Variants in RPS6KA5 observed in about 807,000 individuals in gnomAD.
RPS6KA5 encodes ribosomal protein S6 kinase alpha-5.
Under a neutral mutation model 85.5 loss-of-function variants are expected in RPS6KA5, and 27 were observed. That is an observed-to-expected ratio of 0.32 (90% confidence interval 0.23 to 0.44). The LOEUF is 0.44. RPS6KA5 is among the 20% of genes least tolerant of loss of function. The pLI is 1.00. For synonymous variants in RPS6KA5, 334 were observed against 348.2 expected, an observed-to-expected ratio of 0.96 and a Z score of 0.46; for missense variants, 811 against 980.9, an observed-to-expected ratio of 0.83 and a Z score of 2.31.
chr14:90,960,514 T>C (rs1179402255), intron 3 of RPS6KA5, among the ~76,000 whole-genome samples: 1 of 152,134 alleles, frequency 6.6e-6, no homozygotes, highest in East Asian at 1.9e-4. Flanking sequence ...CTTCTCAGCT[T>C]TATAGCCTAA....
At chr14:91,023,083 A>T (rs968524990) in intron 1 of RPS6KA5, among the ~76,000 whole-genome samples, 7 of 14,366 alleles carry the variant, frequency 4.9e-4, no homozygotes, top group African/African-American at 1.2e-3. Context: ...AACTCTATCT[A>T]AAAAAAAAAA....
chr14:91,050,056 C>T (rs2043012672), intron 1 of RPS6KA5, among the ~76,000 whole-genome samples: 1 of 152,152 alleles, frequency 6.6e-6, no homozygotes, highest in Non-Finnish European at 1.5e-5. Context: ...AGGAGAGCTG[C>T]ACTGTACTCA....
intron 2 of RPS6KA5, 43 bp downstream of exon 2, chr14:91,001,045 A>T (rs1174554824): frequency 9.1e-7 from 1 of 1,096,678 alleles, no homozygotes; most frequent in Non-Finnish European, 1.4e-6. Flanking sequence ...AGGAATAATA[A>T]GTACTTTTTT....
chr14:90,902,591 T>C (rs938587488), intron 9 of RPS6KA5, among the ~76,000 whole-genome samples: 1 of 152,214 alleles, frequency 6.6e-6, no homozygotes, highest in African/African-American at 2.4e-5. Context: ...AATTAAAACT[T>C]CCCTTATATC....
chr14:90,894,820 C>A (rs2034749560), intron 12 of RPS6KA5, among the ~76,000 whole-genome samples: 1 of 152,012 alleles, frequency 6.6e-6, no homozygotes, highest in Admixed American at 6.6e-5. Context: ...ACTGTATATC[C>A]TTTTTCCCTT....
intron 3 of RPS6KA5, among the ~76,000 whole-genome samples, chr14:90,961,636 C>G (rs1034383232): frequency 6.6e-6 from 1 of 151,918 alleles, no homozygotes; most frequent in African/African-American, 2.4e-5. Context: ...TCACAGTAAT[C>G]AAAAGTAGAC....
At position 90,899,575 on chromosome 14, in the gene RPS6KA5, T is replaced by C. The variant is rs1466951172; in HGVS notation, c.1380-153A>G. 2.0e-5 allele frequency among the ~76,000 whole-genome samples: 3 copies of C among 152,188 alleles called. No homozygotes were observed. The East Asian group carries it at 5.8e-4, about 29-fold the overall frequency. ...AGGTTTCCATGAAAGTAATGAATTATACCACACACTAGAAAAAGTAATATT... is the reference window on the plus strand; with the variant it reads ...AGGTTTCCATGAAAGTAATGAATTACACCACACACTAGAAAAAGTAATATT... On this transcript the variant is annotated intron_variant, in intron 11 of 16. Transcript: ENST00000614987.
chr14:90,926,664 AGTGTGTGTGT>A (rs59637202), intron 5 of RPS6KA5, among the ~76,000 whole-genome samples: 5 of 143,226 alleles, frequency 3.5e-5, no homozygotes, highest in African/African-American at 5.1e-5. Flanking sequence ...TATATATTTA[AGTGTGTGTGT>A]GTGTGTGTGT....
Position 90,942,724 on chromosome 14 carries a change from C to T in RPS6KA5, c.618+354G>A, listed in dbSNP as rs545703316. Among the ~76,000 whole-genome samples the T allele has an allele frequency of 7.2e-5, 11 of 152,256 alleles. No individual in the cohort carries two copies. The East Asian group carries it at 2.1e-3, about 29-fold the overall frequency. ...CACAATGTAAACTGTATGTACTTTGCTTTATGATTCTTTATTGGCCACTAT... is the reference window on the plus strand; with the variant it reads ...CACAATGTAAACTGTATGTACTTTGTTTTATGATTCTTTATTGGCCACTAT... On this transcript the variant is annotated intron_variant, in intron 5 of 16. Transcript: ENST00000614987.
intron 5 of RPS6KA5, among the ~76,000 whole-genome samples, chr14:90,928,756 GA>G (rs1207368440): frequency 7.1e-6 from 1 of 140,580 alleles, no homozygotes; most frequent in Non-Finnish European, 1.6e-5. Context: ...AAAAAAAAAG[GA>G]AAAAAACACA....
chr14:91,059,098 C>T (rs1394863192), intron 1 of RPS6KA5, among the ~76,000 whole-genome samples: 4 of 152,250 alleles, frequency 2.6e-5, no homozygotes, highest in African/African-American at 7.2e-5. Context: ...GAGGCCGAGG[C>T]GGGCGGATCA....
chr14:90,940,686 C>T (rs2037523220), intron 5 of RPS6KA5, among the ~76,000 whole-genome samples: 1 of 152,150 alleles, frequency 6.6e-6, no homozygotes, highest in South Asian at 2.1e-4. Flanking sequence ...CACATGGGCC[C>T]CTAACCCCCA....
intron 5 of RPS6KA5, among the ~76,000 whole-genome samples, chr14:90,936,994 C>T (rs12894108): frequency 0.47 from 70,788 of 151,386 alleles, 17,315 homozygotes; most frequent in East Asian, 0.55. Flanking sequence ...AGAAGGTTGG[C>T]CAAGAGAAGG....
At chr14:90,892,599 A>G (rs969859885) in intron 13 of RPS6KA5, among the ~76,000 whole-genome samples, 3 of 152,214 alleles carry the variant, frequency 2.0e-5, no homozygotes, top group African/African-American at 7.2e-5. Context: ...CAAGTTTGAA[A>G]AATACAAGGC....
At chr14:90,880,332 T>C (rs2033754717) in intron 14 of RPS6KA5, among the ~76,000 whole-genome samples, 1 of 152,194 alleles carries the variant, frequency 6.6e-6, no homozygotes, top group Non-Finnish European at 1.5e-5. Flanking sequence ...TTTCTGTCTC[T>C]ATGATTCTGA....
intron 1 of RPS6KA5, among the ~76,000 whole-genome samples, chr14:91,022,678 C>T (rs2041831939): frequency 6.6e-6 from 1 of 152,188 alleles, no homozygotes; most frequent in Admixed American, 6.5e-5. Flanking sequence ...TAGATGTTTG[C>T]TATGACTTCA....
intron 2 of RPS6KA5, among the ~76,000 whole-genome samples, chr14:90,994,561 ATTTTTTTTT>A (rs935828871): frequency 4.8e-5 from 3 of 61,922 alleles, no homozygotes; most frequent in Non-Finnish European, 9.8e-5. Context: ...GATGTTTGTG[ATTTTTTTTT>A]TTTTTTTTTT....
At chr14:90,908,988 G>A (rs759952454) in intron 7 of RPS6KA5, among the ~76,000 whole-genome samples, 1 of 152,230 alleles carries the variant, frequency 6.6e-6, no homozygotes. Flanking sequence ...GAAGGTCCCC[G>A]ATGAAGATGT....
Position 90,858,895 on chromosome 14 carries a change from G to C in RPS6KA5, c.*13179C>G, listed in dbSNP as rs2032407874. The C allele has an allele frequency of 1.3e-5, 2 of 152,206 alleles. No homozygotes were observed. Among genetic ancestry groups the C allele is most frequent in the African/African-American group, 4.8e-5 (2 of 41,448 alleles). The allele number at this position is 152,206 out of a possible 1,614,324, so 9.4% of individuals were successfully genotyped here. On this transcript the variant is annotated 3_prime_UTR_variant, in exon 17 of 17. Transcript: ENST00000614987. The stretch of plus-strand genomic sequence containing the variant: ...CTAGGACTTAAGGGGCAAAATCCCA[G>C]AGCGAAGAAACCTCAGGGAAGTGAG...
Sources: allele counts gnomAD v4.1 joint callset (sites outside exome capture counted in the v4.1 genomes callset), GRCh38; gene constraint gnomAD v4.1.1; transcripts MANE v1.5; gene names NCBI Gene and HGNC (gene_info 2026-07-23, HGNC 2026-07-21).